Variants in ZHX3 observed in about 807,000 individuals in gnomAD.
The protein encoded by ZHX3 is zinc fingers and homeoboxes protein 3.
Under a neutral mutation model 64.5 loss-of-function variants are expected in ZHX3, and 20 were observed. That is an observed-to-expected ratio of 0.31 (90% CI 0.22 to 0.45). The LOEUF (loss-of-function observed/expected upper bound fraction) is 0.45. ZHX3 is among the 20% of genes least tolerant of loss of function. ZHX3 has a pLI of 1.00. For missense variants in ZHX3, 1,041 were observed against 1,195.8 expected, an observed-to-expected ratio of 0.87 and a Z score of 1.91; for synonymous variants, 423 against 461.6, an observed-to-expected ratio of 0.92 and a Z score of 1.07.
chr20:41,296,913 C>T (rs1442524313), intron 1 of ZHX3, among the ~76,000 whole-genome samples: 2 of 152,204 alleles, frequency 1.3e-5, no homozygotes, highest in African/African-American at 4.8e-5. Context: ...CTGATAACTA[C>T]TTTCATCCAT....
In ZHX3 at chr20:41,185,340, C is replaced by G. The variant is rs2036431879; in HGVS notation, c.2861-139G>C. On this transcript the variant is annotated intron_variant, in intron 3 of 3. Coordinates refer to ENST00000683867, the MANE Select transcript of ZHX3 (RefSeq NM_001384317.1). This position sits in a 1 kb window ranked among gnomAD's most constrained non-coding sequence, Gnocchi z 5.0. ...TCCATGAGCAATGAATGGCCTTCTG[C>G]CACCCACTCCCCCACCCTCCAGCCT... The G allele has an allele frequency of 2.9e-6, 3 of 1,017,270 alleles. No homozygotes were observed. Among genetic ancestry groups the G allele is most frequent in the Non-Finnish European group, 4.3e-6 (3 of 700,416 alleles). 63.0% of individuals were successfully genotyped at this position (1,017,270 alleles called of 1,614,324 possible).
rs2039813769 is a variant in ZHX3, at chr20:41,219,821, G to A, written c.-150-14755C>T. Among the ~76,000 whole-genome samples, 1 of 152,340 alleles carries A rather than the reference G, an allele frequency of 6.6e-6. No individual in the cohort carries two copies. The highest frequency in any genetic ancestry group is 2.4e-5 in the African/African-American group (1 of 41,582). On this transcript the variant is annotated intron_variant, in intron 2 of 3. Transcript: ENST00000683867. This position sits in a 1 kb window ranked among gnomAD's most constrained non-coding sequence, Gnocchi z 5.0. ...GTGAACAAATGTGTCACCTCCAGGG[G>A]AAAAGTTTTATGAGAAAGTATAGGC...
chr20:41,271,151 G>C (rs995015533), intron 1 of ZHX3, among the ~76,000 whole-genome samples: 5 of 152,156 alleles, frequency 3.3e-5, no homozygotes, highest in Non-Finnish European at 1.5e-5. Context: ...CTCCTGAGTA[G>C]CTGGGACTAC....
At chr20:41,249,548 C>G (rs900600810) in intron 2 of ZHX3, among the ~76,000 whole-genome samples, 34 of 152,168 alleles carry the variant, frequency 2.2e-4, no homozygotes, top group Non-Finnish European at 4.7e-4. Context: ...CAACCAGGCC[C>G]AGGCCCATCA....
chr20:41,249,420 C>T (rs546527274), intron 2 of ZHX3, among the ~76,000 whole-genome samples: 2 of 152,242 alleles, frequency 1.3e-5, no homozygotes, highest in South Asian at 2.1e-4. Context: ...TAACAAACTA[C>T]TGCATTATTC....
chr20:41,248,947 G>GT (rs934889132), intron 2 of ZHX3, among the ~76,000 whole-genome samples: 1 of 152,142 alleles, frequency 6.6e-6, no homozygotes, highest in African/African-American at 2.4e-5. Context: ...AGCAATGGGC[G>GT]TAATTCCTGT....
Position 41,184,774 on chromosome 20 carries a change from G to T in ZHX3, c.*417C>A. ...ACAGACACAGGTCATTTTTAGAGAT[G>T]ACGTAACTGACAATGCACTGCTTGG... On this transcript the variant is annotated 3_prime_UTR_variant, in exon 4 of 4. Coordinates refer to ENST00000683867, the MANE Select transcript of ZHX3 (RefSeq NM_001384317.1). The T allele has an allele frequency of 1.0e-6, 1 of 992,258 alleles. No individual in the cohort carries two copies. The highest frequency in any genetic ancestry group is 1.4e-6 in the Non-Finnish European group (1 of 695,284). The allele number at this position is 992,258 out of a possible 1,614,324, so 61.5% of individuals were successfully genotyped here.
At chr20:41,198,041 C>T (rs1024501655) in intron 3 of ZHX3, among the ~76,000 whole-genome samples, 5 of 148,092 alleles carry the variant, frequency 3.4e-5, no homozygotes, top group African/African-American at 1.2e-4. Context: ...CTTGCTCTGC[C>T]CCACCCAGGC....
At chr20:41,191,375 A>C (rs1410526147) in intron 3 of ZHX3, among the ~76,000 whole-genome samples, 1 of 151,970 alleles carries the variant, frequency 6.6e-6, no homozygotes, top group Non-Finnish European at 1.5e-5. Flanking sequence ...TTGCTTTTTT[A>C]TGACATATAT....
intron 2 of ZHX3, among the ~76,000 whole-genome samples, chr20:41,242,403 A>T (rs1374591754): frequency 6.6e-6 from 1 of 152,200 alleles, no homozygotes; most frequent in East Asian, 1.9e-4. Flanking sequence ...AAACACAAAC[A>T]TCCATTAAGG....
In ZHX3 at chr20:41,212,200, A is replaced by T. The variant is rs1173972019; in HGVS notation, c.-150-7134T>A. Among the ~76,000 whole-genome samples the T allele has an allele frequency of 1.3e-5, 2 of 152,228 alleles. No homozygotes were observed. Among genetic ancestry groups the T allele is most frequent in the Admixed American group, 6.5e-5 (1 of 15,280 alleles). On this transcript the variant is annotated intron_variant, in intron 2 of 3. Transcript: ENST00000683867. The surrounding 1 kb of genome is among the most constrained non-coding windows in gnomAD (Gnocchi z 4.3). Reference sequence around the variant, plus strand: ...TAACTTACAACTCAACCATAGAAAGATAATTTTTAAACGGGTAAAGGATTT... The same window carrying T: ...TAACTTACAACTCAACCATAGAAAGTTAATTTTTAAACGGGTAAAGGATTT...
chr20:41,209,538 CCA>C (rs1169088905), intron 2 of ZHX3, among the ~76,000 whole-genome samples: 1 of 152,088 alleles, frequency 6.6e-6, no homozygotes, highest in African/African-American at 2.4e-5. Context: ...GGAAATAATA[CCA>C]CACATCTACA....
intron 1 of ZHX3, chr20:41,316,799 A>G (rs1210750083): frequency 1.3e-5 from 2 of 152,246 alleles, no homozygotes; most frequent in Non-Finnish European, 2.9e-5. Flanking sequence ...ATCACTTCCA[A>G]CAGGCTTCCC....
At chr20:41,227,571 T>A (rs1209741237) in intron 2 of ZHX3, among the ~76,000 whole-genome samples, 1 of 152,182 alleles carries the variant, frequency 6.6e-6, no homozygotes, top group Non-Finnish European at 1.5e-5. Flanking sequence ...TGCAAGATAG[T>A]TAGCATATTT....
intron 2 of ZHX3, among the ~76,000 whole-genome samples, chr20:41,252,972 C>T (rs1322814644): frequency 1.3e-5 from 2 of 152,102 alleles, no homozygotes; most frequent in African/African-American, 4.8e-5. Flanking sequence ...TATCACCAGT[C>T]CTGGAAAAGT....
intron 2 of ZHX3, among the ~76,000 whole-genome samples, chr20:41,265,738 T>A (rs926584335): frequency 6.6e-6 from 1 of 152,216 alleles, no homozygotes; most frequent in African/African-American, 2.4e-5. Flanking sequence ...CCCACTACTA[T>A]ATACTTAATT....
In ZHX3 at chr20:41,185,115, G is replaced by C. The variant is rs1358816737; in HGVS notation, c.*76C>G. On this transcript the variant is annotated 3_prime_UTR_variant, in exon 4 of 4. Transcript: ENST00000683867. This position sits in a 1 kb window ranked among gnomAD's most constrained non-coding sequence, Gnocchi z 5.0. Reference sequence around the variant, plus strand: ...GGCATGGGAACGGCATGTGGCAGCAGAGAGTCGGGTTTGGCTCTTCCACGT... The same window carrying C: ...GGCATGGGAACGGCATGTGGCAGCACAGAGTCGGGTTTGGCTCTTCCACGT... 6.3e-7 allele frequency: 1 copy of C among 1,582,472 alleles called. No homozygotes were observed. The highest frequency in any genetic ancestry group is 8.6e-7 in the Non-Finnish European group (1 of 1,162,450).
intron 1 of ZHX3, among the ~76,000 whole-genome samples, chr20:41,281,902 G>A: frequency 6.6e-6 from 1 of 152,196 alleles, no homozygotes; most frequent in East Asian, 1.9e-4. Flanking sequence ...AGTAGCAGCT[G>A]AGAGAGAAGG....
At chr20:41,291,535 C>T (rs1012598777) in intron 1 of ZHX3, among the ~76,000 whole-genome samples, 1 of 151,826 alleles carries the variant, frequency 6.6e-6, no homozygotes, top group Non-Finnish European at 1.5e-5. Flanking sequence ...GCATAAGTAC[C>T]ATATGAAAGC....
Sources: gnomAD v4.1 joint callset for allele counts (sites outside exome capture counted in the v4.1 genomes callset) on GRCh38, gnomAD v4.1.1 for gene constraint, Gnocchi (gnomAD v3.1) non-coding constraint, MANE v1.5 for transcripts, NCBI Gene and HGNC (gene_info 2026-07-23, HGNC 2026-07-21) for gene names.